The following KCNJ6 variants were observed in gnomAD, a reference collection of about 807,000 sequenced individuals.
KCNJ6 encodes the protein potassium inwardly rectifying channel subfamily J member 6.
In KCNJ6, 9 loss-of-function variants were observed where a neutral mutation model predicts 34.2. The observed-to-expected ratio is 0.26, with a 90% CI of 0.16 to 0.46. The LOEUF (loss-of-function observed/expected upper bound fraction) is 0.46. Among genes scored for constraint, KCNJ6 ranks in the 20% least tolerant of loss-of-function variants. KCNJ6 has a pLI of 1.00. For missense variants in KCNJ6, 236 were observed against 531.3 expected (o/e 0.44, Z 5.46); for synonymous variants, 196 against 207.1 (o/e 0.95, Z 0.46).
rs192287028 is a variant in KCNJ6, at chr21:37,852,928, A to G, written c.-27-12219T>C. ...CTGAACAGCAGGGTGGGTAAGACAG[A>G]GCAAAGAAACAGTGAACTTGTTGAT... On this transcript the variant is annotated intron_variant, in intron 1 of 3. Transcript: ENST00000609713. 1.6e-4 allele frequency among the ~76,000 whole-genome samples: 24 copies of G among 152,264 alleles called. No homozygotes were observed. In the East Asian group the frequency reaches 2.1e-3, roughly 13 times the overall value.
At chr21:37,869,869 G>A (rs990025523) in intron 1 of KCNJ6, among the ~76,000 whole-genome samples, 6 of 152,224 alleles carry the variant, frequency 3.9e-5, no homozygotes, top group East Asian at 1.9e-4. Flanking sequence ...AGTGAAGTCT[G>A]GGCTTTAGGA....
At chr21:37,630,169 T>TC (rs1320538644) in intron 3 of KCNJ6, among the ~76,000 whole-genome samples, 2 of 142,708 alleles carry the variant, frequency 1.4e-5, no homozygotes, top group African/African-American at 5.1e-5. Context: ...GTGTTTATGT[T>TC]CCATATCAGG....
At chr21:37,818,530 A>T (rs1204486255) in intron 2 of KCNJ6, among the ~76,000 whole-genome samples, 2 of 152,086 alleles carry the variant, frequency 1.3e-5, no homozygotes, top group African/African-American at 4.8e-5. Flanking sequence ...TGGATTTACC[A>T]CATCCCCTCC....
chr21:37,748,826 C>T (rs879355510), intron 2 of KCNJ6, among the ~76,000 whole-genome samples: 88 of 152,206 alleles, frequency 5.8e-4, no homozygotes, highest in Non-Finnish European at 7.2e-4. Context: ...GTTTTATCCC[C>T]GCAAAACTCG....
intron 3 of KCNJ6, among the ~76,000 whole-genome samples, chr21:37,708,962 T>TG (rs1173557013): frequency 6.6e-6 from 1 of 152,222 alleles, no homozygotes; most frequent in Non-Finnish European, 1.5e-5. Context: ...AAAATGTGCC[T>TG]GGAAATCAGA....
intron 2 of KCNJ6, among the ~76,000 whole-genome samples, chr21:37,747,965 C>T (rs992095586): frequency 1.3e-5 from 2 of 152,184 alleles, no homozygotes; most frequent in Non-Finnish European, 2.9e-5. Context: ...GACTGAGTCA[C>T]AGGGCTGAGA....
At chr21:37,671,209 C>A (rs1446886770) in intron 3 of KCNJ6, among the ~76,000 whole-genome samples, 1 of 152,122 alleles carries the variant, frequency 6.6e-6, no homozygotes, top group East Asian at 1.9e-4. Flanking sequence ...TCGGTCCCAC[C>A]CCCAACCTCC....
rs1281572811 is a variant in KCNJ6 at position 37,818,207 on chromosome 21, C to CGTGTGTGTGTGT, written c.25+22450_25+22451insACACACACACAC. 5.8e-3 allele frequency among the ~76,000 whole-genome samples: 473 copies of CGTGTGTGTGTGT among 81,020 alleles called. 3 individuals are homozygous for CGTGTGTGTGTGT. The highest frequency in any genetic ancestry group is 0.023 in the African/African-American group (419 of 18,314). The allele number at this position is 81,020 out of a possible 152,430, so 53.2% of individuals were successfully genotyped here. On this transcript the variant is annotated intron_variant, in intron 2 of 3. Coordinates refer to ENST00000609713, the MANE Select transcript of KCNJ6 (RefSeq NM_002240.5). Reference sequence around the variant, plus strand: ...GCTTAAAAGTGCGTGTGTGTGTGTGCGTGCGTGTGTGTGTGTGTGTGTGTG... The same window carrying CGTGTGTGTGTGT: ...GCTTAAAAGTGCGTGTGTGTGTGTGCGTGTGTGTGTGTGTGCGTGTGTGTGTGTGTGTGTGTG...
chr21:37,811,510 T>C (rs1009695715), intron 2 of KCNJ6, among the ~76,000 whole-genome samples: 2 of 152,264 alleles, frequency 1.3e-5, no homozygotes, highest in African/African-American at 4.8e-5. Flanking sequence ...TTGCATTAAA[T>C]TGCAGGATGC....
chr21:37,745,123 C>A (rs2054961516), intron 2 of KCNJ6, among the ~76,000 whole-genome samples: 1 of 123,640 alleles, frequency 8.1e-6, no homozygotes, highest in Non-Finnish European at 1.6e-5. Context: ...CAGACAGGGT[C>A]TTGCTGTGGC....
intron 3 of KCNJ6, among the ~76,000 whole-genome samples, chr21:37,672,258 T>C (rs1396000747): frequency 6.6e-6 from 1 of 152,088 alleles, no homozygotes; most frequent in Non-Finnish European, 1.5e-5. Context: ...CTTTAGCTTC[T>C]AGGAAGGAAG....
chr21:37,650,589 T>C (rs1264591306), intron 3 of KCNJ6, among the ~76,000 whole-genome samples: 1 of 152,172 alleles, frequency 6.6e-6, no homozygotes, highest in African/African-American at 2.4e-5. Context: ...TATCCAGTGG[T>C]TTTAGGAGGC....
intron 2 of KCNJ6, among the ~76,000 whole-genome samples, chr21:37,829,630 A>G (rs1601491164): frequency 6.6e-6 from 1 of 152,330 alleles, no homozygotes; most frequent in African/African-American, 2.4e-5. Flanking sequence ...TGAGTTGCCA[A>G]GCTGGGCTGG....
At chr21:37,796,802 T>C (rs1166321040) in intron 2 of KCNJ6, among the ~76,000 whole-genome samples, 2 of 142,832 alleles carry the variant, frequency 1.4e-5, no homozygotes, top group East Asian at 4.1e-4. Context: ...TTTTTTTTTT[T>C]TTGAGACGGA....
chr21:37,880,149 C>A (rs2055700423), intron 1 of KCNJ6, among the ~76,000 whole-genome samples: 1 of 151,338 alleles, frequency 6.6e-6, no homozygotes, highest in Non-Finnish European at 1.5e-5. Context: ...AGGTGGCAGG[C>A]ACCTATAATC....
In KCNJ6 at chr21:37,610,231, G is replaced by C. The variant is rs1190724679; in HGVS notation, c.*14928C>G. ...TAGAATTATTAAAGCAGAGACTATG[G>C]GGTTCAAATGTTTGTTGAAAAAGAT... On this transcript the variant is annotated 3_prime_UTR_variant, in exon 4 of 4. Transcript: ENST00000609713. 1 of 152,116 alleles carries C rather than the reference G, an allele frequency of 6.6e-6. No individual in the cohort carries two copies. The highest frequency in any genetic ancestry group is 1.5e-5 in the Non-Finnish European group (1 of 68,036). The allele number at this position is 152,116 out of a possible 1,614,324, so 9.4% of individuals were successfully genotyped here.
chr21:37,674,834 C>A (rs1198000003), intron 3 of KCNJ6, among the ~76,000 whole-genome samples: 1 of 152,086 alleles, frequency 6.6e-6, no homozygotes, highest in Non-Finnish European at 1.5e-5. Context: ...TGTGTCCTGA[C>A]TACCTAGAAC....
At chr21:37,853,850 A>G (rs866262753) in intron 1 of KCNJ6, among the ~76,000 whole-genome samples, 72 of 137,974 alleles carry the variant, frequency 5.2e-4, no homozygotes, top group African/African-American at 1.0e-3. Flanking sequence ...ATATATGTAT[A>G]TATATATATA....
In KCNJ6 at chr21:37,793,177, G is replaced by A. The variant is rs533138130; in HGVS notation, c.25+47481C>T. ...TGAAGTGTTATTTCTAGAATGTTCC[G>A]TATCCATTAAATAACAGCTCTGTCT... is the stretch of plus-strand genomic sequence containing the variant. On this transcript the variant is annotated intron_variant, in intron 2 of 3. Transcript: ENST00000609713. 1.6e-4 allele frequency among the ~76,000 whole-genome samples: 25 copies of A among 152,268 alleles called. No homozygotes were observed. In the South Asian group the frequency reaches 3.7e-3, roughly 23 times the overall value.
Sources: allele counts gnomAD v4.1 joint callset (sites outside exome capture counted in the v4.1 genomes callset), GRCh38; gene constraint gnomAD v4.1.1; transcripts MANE v1.5; gene names NCBI Gene and HGNC (gene_info 2026-07-23, HGNC 2026-07-21).